Variants in PALD1 observed in about 807,000 individuals in gnomAD.
PALD1 encodes paladin.
Under a neutral mutation model 96.0 loss-of-function variants are expected in PALD1, and 57 were observed. That is an observed-to-expected ratio of 0.59 (90% CI 0.48 to 0.74). PALD1 has a LOEUF of 0.74. PALD1 is among the 30% of genes least tolerant of loss of function. PALD1 has a pLI of 0.00. For missense variants in PALD1, 1,063 were observed against 1,143.7 expected (o/e 0.93, Z 1.02); for synonymous variants, 464 against 473.6 (o/e 0.98, Z 0.26).
At chr10:70,509,605 A>G (rs745850506) in intron 1 of PALD1, among the ~76,000 whole-genome samples, 9 of 152,192 alleles carry the variant, frequency 5.9e-5, no homozygotes, top group Non-Finnish European at 1.2e-4. Context: ...GGCTTGGAGC[A>G]GGAGGCCCAT....
chr10:70,496,000 G>T (rs917464744), intron 1 of PALD1, among the ~76,000 whole-genome samples: 7 of 149,494 alleles, frequency 4.7e-5, no homozygotes, highest in Non-Finnish European at 8.9e-5. Context: ...AACAGAGGGA[G>T]ACTCTATCTC....
At chr10:70,524,384 C>T (rs1846810001) in intron 1 of PALD1, among the ~76,000 whole-genome samples, 1 of 152,160 alleles carries the variant, frequency 6.6e-6, no homozygotes. Flanking sequence ...CCCTTCTCTG[C>T]AGCTCTGGCT....
chr10:70,537,913 C>T lies in PALD1; in HGVS notation c.1323+7C>T, dbSNP rs746942116. 6.3e-7 allele frequency: 1 copy of T among 1,588,526 alleles called. No homozygotes were observed. The highest frequency in any genetic ancestry group is 8.6e-7 in the Non-Finnish European group (1 of 1,156,946). On this transcript the variant is annotated splice_region_variant and intron_variant, in intron 11 of 19. Transcript: ENST00000263563. Reference sequence around the variant, plus strand: ...CTACTACCTTCATGAGCAGGTGGGGCCTGGGAGGAGCAGACCCACGTCCCC... The same window carrying T: ...CTACTACCTTCATGAGCAGGTGGGGTCTGGGAGGAGCAGACCCACGTCCCC...
At chr10:70,517,096 ATAT>A (rs900887169) in intron 1 of PALD1, among the ~76,000 whole-genome samples, 9 of 152,054 alleles carry the variant, frequency 5.9e-5, no homozygotes, top group African/African-American at 2.2e-4. Flanking sequence ...TACCCACAAG[ATAT>A]TATTTAACTT....
intron 1 of PALD1, among the ~76,000 whole-genome samples, chr10:70,524,143 G>A (rs550075971): frequency 4.5e-4 from 69 of 152,302 alleles, no homozygotes; most frequent in African/African-American, 1.6e-3. Context: ...CCTGGTTGAG[G>A]GCAGCTGGGA....
At position 70,529,265 on chromosome 10, in the gene PALD1, G is replaced by A. The variant is rs200286075; in HGVS notation, c.222G>A (p.Glu74=). 27 of 1,523,634 alleles carry A rather than the reference G, an allele frequency of 1.8e-5. No individual in the cohort carries two copies. Among genetic ancestry groups the A allele is most frequent in the Middle Eastern group, 1.8e-4 (1 of 5,610 alleles). 94.4% of individuals were successfully genotyped at this position (1,523,634 alleles called of 1,614,324 possible). The change falls in exon 3 of 20, where the codon GAG becomes GAA. Residue 74 remains glutamate (E), a synonymous_variant. Transcript: ENST00000263563. ...NCKEEFQIHD[E]LLKAHYTLGR... Reference sequence around the variant, plus strand: ...AGGAGGAGTTCCAGATCCATGATGAGCTGCTCAAGGCTCATTACACGTTGG... The same window carrying A: ...AGGAGGAGTTCCAGATCCATGATGAACTGCTCAAGGCTCATTACACGTTGG...
chr10:70,541,221 C>T lies in PALD1; in HGVS notation c.2028C>T (p.Val676=), dbSNP rs45488693. ...CCACAACTGCGATGGTGGTGGCTGT[C>T]CTGGCCTTCTGGCACATCCAAGTAC... The part of the protein sequence containing the change: ...GRTTTAMVVA[V]LAFWHIQGFP... The change falls in exon 16 of 20, where the codon GTC becomes GTT. Residue 676 remains valine, a synonymous_variant. Transcript: ENST00000263563. The T allele has an allele frequency of 1.6e-3, 2,588 of 1,609,104 alleles. 8 individuals are homozygous for T. Among genetic ancestry groups the T allele is most frequent in the South Asian group, 2.0e-3 (180 of 90,316 alleles).
chr10:70,547,428 C>T lies in PALD1; in HGVS notation c.2244C>T (p.Ile748=). Residue 748 remains isoleucine (I), a synonymous_variant, in exon 18 of 20, where the codon ATC becomes ATT. Transcript: ENST00000263563. ...TPMHYHLREI[I]ICTYRQAKAA... The stretch of plus-strand genomic sequence containing the variant: ...TGCACTACCACCTGCGGGAGATCAT[C>T]ATCTGCACCTACCGCCAGGTGAGCC... The T allele has an allele frequency of 1.2e-6, 2 of 1,610,206 alleles. No individual in the cohort carries two copies. Among genetic ancestry groups the T allele is most frequent in the African/African-American group, 1.3e-5 (1 of 74,962 alleles).
chr10:70,505,238 T>C (rs539920551), intron 1 of PALD1, among the ~76,000 whole-genome samples: 1 of 152,364 alleles, frequency 6.6e-6, no homozygotes, highest in Admixed American at 6.5e-5. Context: ...ACTTTATTAT[T>C]GGCAACAAAT....
intron 17 of PALD1, 89 bp from the exon 18 acceptor site, chr10:70,547,217 G>A (rs1847384149): frequency 2.5e-6 from 3 of 1,207,412 alleles, no homozygotes; most frequent in Non-Finnish European, 3.7e-6. Flanking sequence ...TAGGCCTGGT[G>A]TGGCCTTTTG....
At chr10:70,488,767 T>C (rs1478035390) in intron 1 of PALD1, among the ~76,000 whole-genome samples, 1 of 152,004 alleles carries the variant, frequency 6.6e-6, no homozygotes, top group Non-Finnish European at 1.5e-5. Context: ...CTGGAGGTGG[T>C]TAATTTAGAG....
At chr10:70,538,499 T>A (rs1589207603) in intron 12 of PALD1, 91 bp downstream of exon 12, 2 of 1,352,650 alleles carry the variant, frequency 1.5e-6, no homozygotes, top group Non-Finnish European at 2.0e-6. Flanking sequence ...GGGGTAAGCA[T>A]TGCCCTTGCA....
chr10:70,505,059 C>G (rs750864950), intron 1 of PALD1, among the ~76,000 whole-genome samples: 51 of 152,218 alleles, frequency 3.4e-4, no homozygotes, highest in Non-Finnish European at 5.6e-4. Context: ...TTACACAGAT[C>G]TTCCAAATGT....
intron 1 of PALD1, among the ~76,000 whole-genome samples, chr10:70,506,229 C>T (rs148519426): frequency 7.1e-4 from 108 of 152,214 alleles, no homozygotes; most frequent in African/African-American, 2.3e-3. Flanking sequence ...ATTTTGTCAC[C>T]GCGAGTGCAT....
At chr10:70,525,885 C>G in intron 1 of PALD1, 38 bp from the exon 2 acceptor site, 1 of 1,557,148 alleles carries the variant, frequency 6.4e-7, no homozygotes, top group Non-Finnish European at 8.8e-7. Context: ...GTGGATTTTC[C>G]CATCCCCTCC....
intron 18 of PALD1, among the ~76,000 whole-genome samples, chr10:70,548,586 C>A (rs983473631): frequency 6.6e-6 from 1 of 152,060 alleles, no homozygotes; most frequent in East Asian, 1.9e-4. Context: ...TGGTGGGAGC[C>A]GGTGGGTAGG....
At chr10:70,500,912 G>T (rs888894774) in intron 1 of PALD1, among the ~76,000 whole-genome samples, 3 of 152,046 alleles carry the variant, frequency 2.0e-5, no homozygotes, top group Non-Finnish European at 4.4e-5. Context: ...GGTCTGCCGT[G>T]TGCCTGGCCT....
At chr10:70,498,316 CCAGAGCTAGAGCGAGCA>C (rs1846230087) in intron 1 of PALD1, among the ~76,000 whole-genome samples, 1 of 152,136 alleles carries the variant, frequency 6.6e-6, no homozygotes, top group Non-Finnish European at 1.5e-5. Context: ...TGCTCTATCA[CCAGAGCTAGAGCGAGCA>C]CAGTGGCATG....
Position 70,564,506 on chromosome 10 carries a change from C to T in PALD1, c.2405C>T (p.Thr802Ile). The T allele has an allele frequency of 6.2e-7, 1 of 1,613,760 alleles. No homozygotes were observed. Among genetic ancestry groups the T allele is most frequent in the Non-Finnish European group, 8.5e-7 (1 of 1,179,918 alleles). The change falls in exon 19 of 20, where the codon ACC becomes ATC. Residue 802 changes from threonine (T) to isoleucine (I), a missense_variant. Transcript: ENST00000263563. ...KADSWQRPFS[T>I]WMQEVASKAG... ...GACTCCTGGCAGAGGCCCTTCAGCA[C>T]CTGGATGCAGGAGGTGAGGGGAGGC...
Sources: gnomAD v4.1 joint callset for allele counts (sites outside exome capture counted in the v4.1 genomes callset) on GRCh38, gnomAD v4.1.1 for gene constraint, MANE v1.5 for transcripts, NCBI Gene and HGNC (gene_info 2026-07-23, HGNC 2026-07-21) for gene names.